The following CSMD1 variants were observed in gnomAD, a reference collection of about 807,000 sequenced individuals.
CSMD1 encodes CUB and sushi domain-containing protein 1.
CSMD1 carries 213 observed loss-of-function variants against 417.5 expected under a neutral mutation model. The ratio of observed to expected loss-of-function variants is 0.51; its 90% CI spans 0.46 to 0.57. CSMD1 has a LOEUF of 0.57. CSMD1 is among the 20% of genes least tolerant of loss of function. The pLI, the probability that CSMD1 is intolerant of heterozygous loss-of-function variation, is 0.00. For synonymous variants in CSMD1, 2,862 were observed against 1,736.8 expected (o/e 1.65, Z -16.11); for missense variants, 6,923 against 4,529.7 (o/e 1.53, Z -15.17).
rs144869122 is a variant in CSMD1 at position 3,213,361 on chromosome 8, C to A, written c.4867+1136G>T. 3.3e-5 allele frequency among the ~76,000 whole-genome samples: 5 copies of A among 152,148 alleles called. No individual in the cohort carries two copies. In the East Asian group the frequency reaches 9.7e-4, roughly 29 times the overall value. ...ATGTAAAAGGTACAAGTCAAGGGTC[C>A]ACAGCCTGAGGAGTGTTTGCCTATA... On this transcript the variant is annotated intron_variant, in intron 30 of 69. Coordinates refer to ENST00000635120, the MANE Select transcript of CSMD1 (RefSeq NM_033225.6).
At chr8:3,181,610 G>A (rs1011879932) in intron 36 of CSMD1, among the ~76,000 whole-genome samples, 1 of 152,194 alleles carries the variant, frequency 6.6e-6, no homozygotes, top group Non-Finnish European at 1.5e-5. Flanking sequence ...GGACCCTGTG[G>A]ATAGTGATCT....
intron 1 of CSMD1, among the ~76,000 whole-genome samples, chr8:4,818,087 A>G (rs2117370944): frequency 6.6e-6 from 1 of 152,318 alleles, no homozygotes; most frequent in East Asian, 1.9e-4. Flanking sequence ...GGATGCATTG[A>G]ACTGAACACA....
At chr8:3,577,820 T>A (rs1800214859) in intron 9 of CSMD1, among the ~76,000 whole-genome samples, 1 of 152,206 alleles carries the variant, frequency 6.6e-6, no homozygotes, top group South Asian at 2.1e-4. Flanking sequence ...TTATGATTTA[T>A]TTAGTTATTG....
intron 3 of CSMD1, among the ~76,000 whole-genome samples, chr8:4,084,441 T>C (rs117648397): frequency 6.6e-6 from 1 of 152,334 alleles, no homozygotes; most frequent in Non-Finnish European, 1.5e-5. Flanking sequence ...TTCCACCCTT[T>C]ACATGATTTT....
At chr8:3,136,614 G>A (rs1818110554) in intron 41 of CSMD1, among the ~76,000 whole-genome samples, 1 of 152,192 alleles carries the variant, frequency 6.6e-6, no homozygotes, top group South Asian at 2.1e-4. Flanking sequence ...GTGAATAGAA[G>A]AGAAGAACAC....
chr8:3,539,065 C>G (rs1324596532), intron 10 of CSMD1, among the ~76,000 whole-genome samples: 2 of 152,236 alleles, frequency 1.3e-5, no homozygotes, highest in Non-Finnish European at 2.9e-5. Flanking sequence ...TCCTCCATCA[C>G]TGAGCCACGT....
At chr8:3,752,785 G>T (rs563936164) in intron 6 of CSMD1, among the ~76,000 whole-genome samples, 1 of 151,890 alleles carries the variant, frequency 6.6e-6, no homozygotes, top group Non-Finnish European at 1.5e-5. Context: ...GGACTGGGTG[G>T]CAAATAAAGA....
At chr8:3,501,285 C>A (rs951922804) in intron 10 of CSMD1, among the ~76,000 whole-genome samples, 1 of 152,090 alleles carries the variant, frequency 6.6e-6, no homozygotes, top group Non-Finnish European at 1.5e-5. Flanking sequence ...CACACACATA[C>A]ACACACACCC....
intron 3 of CSMD1, among the ~76,000 whole-genome samples, chr8:4,228,496 T>C (rs996741476): frequency 3.0e-4 from 46 of 151,844 alleles, no homozygotes; most frequent in Non-Finnish European, 5.7e-4. Flanking sequence ...CCCCCAACTG[T>C]CTCTGGTCTT....
chr8:4,307,517 C>G (rs1000853837), intron 3 of CSMD1, among the ~76,000 whole-genome samples: 7 of 152,172 alleles, frequency 4.6e-5, no homozygotes, highest in African/African-American at 1.4e-4. Flanking sequence ...TTATGTCAAC[C>G]ATGCCTGGTC....
At chr8:3,080,451 G>C (rs1208483700) in intron 49 of CSMD1, among the ~76,000 whole-genome samples, 1 of 152,192 alleles carries the variant, frequency 6.6e-6, no homozygotes, top group Non-Finnish European at 1.5e-5. Flanking sequence ...AGCAAAGTGA[G>C]AAAAACAACC....
chr8:3,609,845 G>A (rs554100783), intron 8 of CSMD1, among the ~76,000 whole-genome samples: 3 of 101,874 alleles, frequency 2.9e-5, no homozygotes, highest in Non-Finnish European at 5.4e-5. Flanking sequence ...TTGAGACAGA[G>A]TCTTGCTCTG....
intron 17 of CSMD1, 36 bp downstream of exon 17, chr8:3,396,158 T>G: frequency 1.3e-6 from 2 of 1,526,888 alleles, no homozygotes; most frequent in Non-Finnish European, 1.8e-6. Flanking sequence ...CCATGCATGC[T>G]GCCCTGCCGG....
intron 1 of CSMD1, among the ~76,000 whole-genome samples, chr8:4,781,119 T>A (rs1051192400): frequency 6.6e-6 from 1 of 152,206 alleles, no homozygotes; most frequent in Non-Finnish European, 1.5e-5. Context: ...GTCTTTTCTT[T>A]CGAGTGCAGG....
intron 1 of CSMD1, among the ~76,000 whole-genome samples, chr8:4,732,629 G>T (rs534360526): frequency 6.6e-6 from 1 of 152,046 alleles, no homozygotes; most frequent in Non-Finnish European, 1.5e-5. Flanking sequence ...CTAAATCAAG[G>T]CCCCTGGGAA....
At chr8:4,795,012 G>T (rs1360054211) in intron 1 of CSMD1, among the ~76,000 whole-genome samples, 1 of 151,370 alleles carries the variant, frequency 6.6e-6, no homozygotes, top group Non-Finnish European at 1.5e-5. Context: ...TGGGTAGAAA[G>T]GTCAAAGAAA....
intron 1 of CSMD1, among the ~76,000 whole-genome samples, chr8:4,811,903 G>C (rs1585139729): frequency 6.6e-6 from 1 of 152,124 alleles, no homozygotes; most frequent in East Asian, 1.9e-4. Context: ...CTAATGAATT[G>C]ACTGTTTCTC....
chr8:3,543,525 G>C (rs114548572), intron 10 of CSMD1, among the ~76,000 whole-genome samples: 1,642 of 152,180 alleles, frequency 0.011, 27 homozygotes, highest in East Asian at 0.053. Context: ...AGGATGGCTG[G>C]ATCCCCAACA....
intron 3 of CSMD1, among the ~76,000 whole-genome samples, chr8:4,340,686 T>C (rs1039771946): frequency 6.6e-6 from 1 of 152,076 alleles, no homozygotes; most frequent in South Asian, 2.1e-4. Flanking sequence ...GGCTGGAGTT[T>C]ATTAGAAGTA....
Sources: gnomAD v4.1 joint callset for allele counts (sites outside exome capture counted in the v4.1 genomes callset) on GRCh38, gnomAD v4.1.1 for gene constraint, MANE v1.5 for transcripts, NCBI Gene and HGNC (gene_info 2026-07-23, HGNC 2026-07-21) for gene names.